Variants in ULBP1 observed in about 807,000 individuals in gnomAD.
ULBP1 encodes UL16-binding protein 1.
ULBP1 carries 28 observed loss-of-function variants against 25.3 expected under a neutral mutation model. The ratio of observed to expected loss-of-function variants is 1.10; its 90% CI spans 0.82 to 1.51. The LOEUF (loss-of-function observed/expected upper bound fraction) is 1.51. Ranked by LOEUF, ULBP1 falls within the 40% of genes most tolerant of loss-of-function variation. ULBP1 has a pLI of 0.00. For missense variants in ULBP1, 348 were observed against 290.9 expected, an observed-to-expected ratio of 1.20 and a Z score of -1.43; for synonymous variants, 129 against 103.0, an observed-to-expected ratio of 1.25 and a Z score of -1.53.
At chr6:149,968,029 A>G (rs541976791) in intron 1 of ULBP1, among the ~76,000 whole-genome samples, 7 of 152,262 alleles carry the variant, frequency 4.6e-5, no homozygotes, top group Admixed American at 4.6e-4. Context: ...CCTGATGTAG[A>G]AGTTCTGGGT....
intron 1 of ULBP1, among the ~76,000 whole-genome samples, chr6:149,968,386 C>T (rs866026215): frequency 2.6e-5 from 4 of 152,168 alleles, no homozygotes; most frequent in Middle Eastern, 3.2e-3. Flanking sequence ...CTGGAGGGGA[C>T]ATGTGGTTTC....
At position 149,972,559 on chromosome 6, in the gene ULBP1, A is replaced by G. The variant is rs2114718877; in HGVS notation, c.*1213A>G. ...GCACAGAAAAAGAAACTAGCAACAC[A>G]GTAAACAGACAGCCTGTAGAATGGG... On this transcript the variant is annotated 3_prime_UTR_variant, in exon 5 of 5. Coordinates refer to ENST00000229708, the MANE Select transcript of ULBP1 (RefSeq NM_025218.4). 6.6e-6 allele frequency: 1 copy of G among 152,360 alleles called. No homozygotes were observed. The allele number at this position is 152,360 out of a possible 1,614,324, so 9.4% of individuals were successfully genotyped here. A position where few individuals can be genotyped will look rare whatever the true frequency, so the allele number is the denominator to read the frequency against.
chr6:149,967,740 G>A lies in ULBP1; in HGVS notation c.86-867G>A, dbSNP rs558580943. Among the ~76,000 whole-genome samples, 44 of 152,052 alleles carry A rather than the reference G, an allele frequency of 2.9e-4. 1 individual carries two copies. In the South Asian group the frequency reaches 3.7e-3, roughly 13 times the overall value. On this transcript the variant is annotated intron_variant, in intron 1 of 4. Transcript: ENST00000229708. ...TTCCTGCTGACAGTTGACGGCCTCCGCTTGAGATCTCTTATTTCAGGATTT... is the reference window on the plus strand; with the variant it reads ...TTCCTGCTGACAGTTGACGGCCTCCACTTGAGATCTCTTATTTCAGGATTT...
chr6:149,965,334 C>T (rs963595289), intron 1 of ULBP1, among the ~76,000 whole-genome samples: 19 of 152,100 alleles, frequency 1.2e-4, no homozygotes, highest in African/African-American at 4.4e-4. Flanking sequence ...ACGTGCCTGG[C>T]TGAAGGCACT....
rs1045835005 is a variant in ULBP1, at chr6:149,972,082, A to G, written c.*736A>G. 12 of 152,196 alleles carry G rather than the reference A, an allele frequency of 7.9e-5. No individual in the cohort carries two copies. The highest frequency in any genetic ancestry group is 2.4e-4 in the African/African-American group (10 of 41,450). The allele number at this position is 152,196 out of a possible 1,614,324, so 9.4% of individuals were successfully genotyped here. A position where few individuals can be genotyped will look rare whatever the true frequency, so the allele number is the denominator to read the frequency against. ...GCAATGCTACCACCTTGGCCTCCCA[A>G]TGCTCTGGGATTACAGACATGAACC... On this transcript the variant is annotated 3_prime_UTR_variant, in exon 5 of 5. Transcript: ENST00000229708.
intron 1 of ULBP1, among the ~76,000 whole-genome samples, chr6:149,965,972 G>T (rs899876809): frequency 2.6e-5 from 4 of 152,020 alleles, no homozygotes; most frequent in African/African-American, 4.8e-5. Context: ...CTTAATGCAG[G>T]GGGGACGGGA....
chr6:149,968,665 G>A lies in ULBP1; in HGVS notation c.144G>A (p.Gln48=), dbSNP rs536050244. Residue 48 remains glutamine (Q), a synonymous_variant, in exon 2 of 5, where the codon CAG becomes CAA. Coordinates refer to ENST00000229708, the MANE Select transcript of ULBP1 (RefSeq NM_025218.4). ...CTCCTAAGTCCAGACCTGAACCACA[G>A]TGGTGTGAAGTTCAAGGCCTGGTGG... The part of the protein sequence containing the change: ...IITPKSRPEP[Q]WCEVQGLVDE... The A allele has an allele frequency of 7.4e-5, 120 of 1,613,998 alleles. No homozygotes were observed. The South Asian group carries it at 1.1e-3, about 14-fold the overall frequency.
intron 4 of ULBP1, 76 bp downstream of exon 4, chr6:149,970,223 A>G: frequency 6.7e-7 from 1 of 1,500,382 alleles, no homozygotes; most frequent in Non-Finnish European, 8.9e-7. Context: ...GAATTCCCAG[A>G]GTCCCAGAGG....
chr6:149,970,879 T>C (rs1779303919), intron 4 of ULBP1, among the ~76,000 whole-genome samples: 2 of 152,180 alleles, frequency 1.3e-5, no homozygotes, highest in South Asian at 4.1e-4. Flanking sequence ...TGGAGTTCCA[T>C]GCTCACCACT....
chr6:149,969,472 T>C, intron 3 of ULBP1, 112 bp downstream of exon 3: 1 of 1,440,904 alleles, frequency 6.9e-7, no homozygotes, highest in Non-Finnish European at 9.4e-7. Flanking sequence ...CATGACCCCC[T>C]CATGGGGGGC....
chr6:149,966,915 C>A (rs1352889501), intron 1 of ULBP1, among the ~76,000 whole-genome samples: 1 of 152,200 alleles, frequency 6.6e-6, no homozygotes, highest in East Asian at 1.9e-4. Context: ...CTTTTCCAAC[C>A]ACATATGCCT....
chr6:149,973,166 T>A lies in ULBP1; in HGVS notation c.*1820T>A, dbSNP rs1346991688. The A allele has an allele frequency of 6.6e-6, 1 of 152,174 alleles. No individual in the cohort carries two copies. The highest frequency in any genetic ancestry group is 1.5e-5 in the Non-Finnish European group (1 of 68,022). The allele number at this position is 152,174 out of a possible 1,614,324, so 9.4% of individuals were successfully genotyped here. On this transcript the variant is annotated 3_prime_UTR_variant, in exon 5 of 5. Transcript: ENST00000229708. ...GCAGCCATGAAACACAAGAAAATCATGTCCTTTTCAGCAACATGGATGCAA... is the reference window on the plus strand; with the variant it reads ...GCAGCCATGAAACACAAGAAAATCAAGTCCTTTTCAGCAACATGGATGCAA...
At position 149,963,972 on chromosome 6, in the gene ULBP1, G is replaced by A; in HGVS notation, c.-78G>A. On this transcript the variant is annotated 5_prime_UTR_variant, in exon 1 of 5. Coordinates refer to ENST00000229708, the MANE Select transcript of ULBP1 (RefSeq NM_025218.4). ...CCCTGCGCGCGGCGGGCCGGGCTGG[G>A]CAGCTTTATAAACAGCCGTGGTGTG... The A allele has an allele frequency of 3.4e-6, 5 of 1,490,008 alleles. No homozygotes were observed. The highest frequency in any genetic ancestry group is 4.6e-6 in the Non-Finnish European group (5 of 1,080,448). The allele number at this position is 1,490,008 out of a possible 1,614,324, so 92.3% of individuals were successfully genotyped here. A position where few individuals can be genotyped will look rare whatever the true frequency, so the allele number is the denominator to read the frequency against.
intron 1 of ULBP1, among the ~76,000 whole-genome samples, chr6:149,968,349 T>G (rs573514529): frequency 4.6e-5 from 7 of 152,316 alleles, no homozygotes; most frequent in Admixed American, 2.0e-4. Flanking sequence ...TGCTGACTGA[T>G]GTCGGCACAG....
Position 149,965,802 on chromosome 6 carries a change from C to T in ULBP1, c.85+1668C>T, listed in dbSNP as rs573413217. On this transcript the variant is annotated intron_variant, in intron 1 of 4. Transcript: ENST00000229708. ...TTCACTTTCACCACCCAGGTCGCAT[C>T]CTTTCACTCCCCATCTCAGCTCACC... Among the ~76,000 whole-genome samples, 67 of 152,232 alleles carry T rather than the reference C, an allele frequency of 4.4e-4. 1 individual carries two copies. The South Asian group carries it at 0.011, about 25-fold the overall frequency.
chr6:149,969,851 C>A (rs1484029899), intron 3 of ULBP1, among the ~76,000 whole-genome samples, 165 bp from the exon 4 acceptor site: 4 of 152,202 alleles, frequency 2.6e-5, no homozygotes, highest in South Asian at 2.1e-4. Flanking sequence ...GCAGGGGACA[C>A]CCCCTCTCCC....
intron 1 of ULBP1, among the ~76,000 whole-genome samples, chr6:149,966,374 A>G (rs193225777): frequency 6.6e-6 from 1 of 151,792 alleles, no homozygotes; most frequent in Admixed American, 6.6e-5. Context: ...AAGAGTCACA[A>G]GTGTGTCCTA....
At position 149,969,420 on chromosome 6, in the gene ULBP1, TGTGTGTGAGTGC is replaced by T. The variant is rs1369027532; in HGVS notation, c.625+68_625+79del. On this transcript the variant is annotated intron_variant, in intron 3 of 4. Coordinates refer to ENST00000229708, the MANE Select transcript of ULBP1 (RefSeq NM_025218.4). ...AGTTCAGATCTTATCAGCTGGTGTA[TGTGTGTGAGTGC>T]GTGTGTGTGTGTGTTTGAGTGAGTA... The T allele has an allele frequency of 1.9e-6, 3 of 1,580,726 alleles. No individual in the cohort carries two copies. The African/African-American group carries it at 4.0e-5, about 21-fold the overall frequency.
Position 149,968,833 on chromosome 6 carries a change from ACTG to A in ULBP1, c.315_317del (p.Leu106del), listed in dbSNP as rs762756170. ...ACGTGGTGGATTTCCTTAAAGGGCA[ACTG>A]CTTGACATTCAAGTGGAGAATTTAA... On this transcript the variant is annotated inframe_deletion, in exon 2 of 5. Transcript: ENST00000229708. 2 of 1,614,214 alleles carry A rather than the reference ACTG, an allele frequency of 1.2e-6. No individual in the cohort carries two copies. The highest frequency in any genetic ancestry group is 2.2e-5 in the South Asian group (2 of 91,080).
Sources: allele counts gnomAD v4.1 joint callset (sites outside exome capture counted in the v4.1 genomes callset), GRCh38; gene constraint gnomAD v4.1.1; transcripts MANE v1.5; gene names NCBI Gene and HGNC (gene_info 2026-07-23, HGNC 2026-07-21).